The following GMDS variants were observed in gnomAD, a reference collection of about 807,000 sequenced individuals.
GMDS encodes GDP-mannose 4,6 dehydratase.
In GMDS, 20 loss-of-function variants were observed where a neutral mutation model predicts 49.9. The ratio of observed to expected loss-of-function variants is 0.40; its 90% CI spans 0.28 to 0.58. GMDS has a LOEUF of 0.58. Ranked by LOEUF, GMDS falls within the 20% of genes least tolerant of loss-of-function variation. GMDS has a pLI of 0.42. For synonymous variants in GMDS, 177 were observed against 178.6 expected (o/e 0.99, Z 0.07); for missense variants, 362 against 481.4 (o/e 0.75, Z 2.32).
chr6:1,756,413 A>T (rs927351609), intron 7 of GMDS, among the ~76,000 whole-genome samples: 6 of 152,094 alleles, frequency 3.9e-5, no homozygotes, highest in African/African-American at 1.4e-4. Flanking sequence ...ACAGGCACCT[A>T]CCACCACGTC....
chr6:1,724,870 G>A (rs1241947718), intron 9 of GMDS, among the ~76,000 whole-genome samples: 1 of 152,222 alleles, frequency 6.6e-6, no homozygotes, highest in East Asian at 1.9e-4. Context: ...TCAGAGCCCC[G>A]GCCACGCCCT....
At chr6:1,633,344 A>C (rs1241436827) in intron 9 of GMDS, among the ~76,000 whole-genome samples, 1 of 152,192 alleles carries the variant, frequency 6.6e-6, no homozygotes, top group Non-Finnish European at 1.5e-5. Context: ...AATTTCTGCA[A>C]ACATTTCACA....
chr6:1,671,040 C>T (rs752081383), intron 9 of GMDS, among the ~76,000 whole-genome samples: 6 of 152,224 alleles, frequency 3.9e-5, no homozygotes, highest in South Asian at 2.1e-4. Context: ...CCCCTTGCAG[C>T]GACTGTGGGG....
At chr6:1,750,087 T>A (rs1227638304) in intron 7 of GMDS, among the ~76,000 whole-genome samples, 1 of 152,204 alleles carries the variant, frequency 6.6e-6, no homozygotes. Context: ...TGCCTTGGCC[T>A]CCCAAAGGGC....
At chr6:1,721,663 T>A (rs989401569) in intron 9 of GMDS, among the ~76,000 whole-genome samples, 1 of 152,182 alleles carries the variant, frequency 6.6e-6, no homozygotes, top group Non-Finnish European at 1.5e-5. Context: ...TTGTTTTGCT[T>A]TTTTAGTGGA....
intron 1 of GMDS, among the ~76,000 whole-genome samples, chr6:2,202,885 A>G (rs919276504): frequency 3.9e-5 from 6 of 152,198 alleles, no homozygotes; most frequent in African/African-American, 1.4e-4. Flanking sequence ...CTAAAGAAGC[A>G]GTCATGGCAT....
intron 7 of GMDS, among the ~76,000 whole-genome samples, chr6:1,769,269 G>C (rs1768479450): frequency 6.6e-6 from 1 of 152,200 alleles, no homozygotes; most frequent in South Asian, 2.1e-4. Flanking sequence ...TGTAACAGAA[G>C]GTATGCAGTC....
intron 7 of GMDS, among the ~76,000 whole-genome samples, chr6:1,895,248 C>G (rs1330148338): frequency 2.0e-5 from 3 of 152,156 alleles, no homozygotes; most frequent in Admixed American, 2.0e-4. Flanking sequence ...ACCATTTACT[C>G]ATGATGTGAC....
At chr6:1,727,197 A>G (rs926361923) in intron 8 of GMDS, among the ~76,000 whole-genome samples, 1 of 152,160 alleles carries the variant, frequency 6.6e-6, no homozygotes, top group East Asian at 1.9e-4. Context: ...TTTGCACACA[A>G]GTTTCCTTCC....
At chr6:1,925,591 C>T (rs916575689) in intron 7 of GMDS, among the ~76,000 whole-genome samples, 3 of 152,162 alleles carry the variant, frequency 2.0e-5, no homozygotes, top group Non-Finnish European at 4.4e-5. Context: ...CCTCACAACA[C>T]GAGGAGAAAA....
At chr6:2,003,281 T>C (rs936047744) in intron 4 of GMDS, among the ~76,000 whole-genome samples, 1 of 152,090 alleles carries the variant, frequency 6.6e-6, no homozygotes, top group Non-Finnish European at 1.5e-5. Flanking sequence ...CCCACTGAGG[T>C]TGGGAATGTT....
intron 8 of GMDS, among the ~76,000 whole-genome samples, chr6:1,735,613 G>A (rs567490204): frequency 6.6e-6 from 1 of 152,210 alleles, no homozygotes; most frequent in East Asian, 1.9e-4. Flanking sequence ...CTTACCCAGT[G>A]CCCACACACA....
At chr6:1,687,888 A>T (rs578174176) in intron 9 of GMDS, among the ~76,000 whole-genome samples, 2 of 152,266 alleles carry the variant, frequency 1.3e-5, no homozygotes, top group African/African-American at 4.8e-5. Flanking sequence ...GGGGCAGGTC[A>T]TGGAGAACAC....
chr6:1,931,165 A>G (rs3800141), intron 6 of GMDS, among the ~76,000 whole-genome samples: 1 of 152,148 alleles, frequency 6.6e-6, no homozygotes, highest in Non-Finnish European at 1.5e-5. Context: ...TTAATAATGG[A>G]TTCATACAGT....
chr6:1,726,647 G>A, intron 8 of GMDS, 135 bp from the exon 9 acceptor site: 1 of 624,762 alleles, frequency 1.6e-6, no homozygotes, highest in African/African-American at 1.8e-5. Context: ...ACAGGCTGAT[G>A]CTCCAGCTGA....
At chr6:1,834,816 C>G (rs1756849107) in intron 7 of GMDS, among the ~76,000 whole-genome samples, 1 of 152,040 alleles carries the variant, frequency 6.6e-6, no homozygotes, top group East Asian at 1.9e-4. Context: ...TCCCGGGAAC[C>G]CTGTTTGTTC....
intron 4 of GMDS, among the ~76,000 whole-genome samples, chr6:2,068,803 G>T (rs1771787946): frequency 6.6e-6 from 1 of 152,096 alleles, no homozygotes; most frequent in Non-Finnish European, 1.5e-5. Flanking sequence ...CATGCTCATG[G>T]GTAGGAAGAA....
At chr6:1,725,966 G>A (rs1766567152) in intron 9 of GMDS, among the ~76,000 whole-genome samples, 1 of 152,190 alleles carries the variant, frequency 6.6e-6, no homozygotes, top group African/African-American at 2.4e-5. Flanking sequence ...ATAAAAAGCA[G>A]GGGAGACCAT....
At chr6:1,779,223 C>T (rs186816412) in intron 7 of GMDS, among the ~76,000 whole-genome samples, 26 of 152,272 alleles carry the variant, frequency 1.7e-4, no homozygotes, top group Admixed American at 1.7e-3. Flanking sequence ...AGAGGAGGGT[C>T]TTTCATCCCC....
Sources: allele counts gnomAD v4.1 joint callset (sites outside exome capture counted in the v4.1 genomes callset), GRCh38; gene constraint gnomAD v4.1.1; transcripts MANE v1.5; gene names NCBI Gene and HGNC (gene_info 2026-07-23, HGNC 2026-07-21).